The following COPE variants were observed in gnomAD, a reference collection of about 807,000 sequenced individuals.
COPE encodes the protein coatomer subunit epsilon.
Under a neutral mutation model 42.1 loss-of-function variants are expected in COPE, and 19 were observed. The observed-to-expected ratio is 0.45, with a 90% CI of 0.31 to 0.66. The LOEUF (loss-of-function observed/expected upper bound fraction) is 0.66, where lower values mean the gene tolerates loss of function less well. Among genes scored for constraint, COPE ranks in the 30% least tolerant of loss-of-function variants. COPE has a pLI of 0.05. For missense variants in COPE, 402 were observed against 416.1 expected (o/e 0.97, Z 0.30); for synonymous variants, 195 against 181.3 (o/e 1.08, Z -0.60).
chr19:18,915,755 G>A (rs1015344320), intron 1 of COPE, among the ~76,000 whole-genome samples: 2 of 152,234 alleles, frequency 1.3e-5, no homozygotes, highest in African/African-American at 4.8e-5. Flanking sequence ...CCTCCCTTCT[G>A]TCCCTGTAGC....
rs748323022 is a variant in COPE, at chr19:18,912,977, C to A, written c.189+7G>T. ...CACTCTTGCCCCCGGCCAAGGCCCG[C>A]ACTCACCTGCGCCAGGTACGCTCTA... On this transcript the variant is annotated splice_region_variant and intron_variant, in intron 2 of 9. Coordinates refer to ENST00000262812, the MANE Select transcript of COPE (RefSeq NM_007263.4). 4 of 1,611,540 alleles carry A rather than the reference C, an allele frequency of 2.5e-6. No individual in the cohort carries two copies. The African/African-American group carries it at 5.3e-5, about 22-fold the overall frequency.
chr19:18,902,914 A>G (rs1050242707), intron 7 of COPE, among the ~76,000 whole-genome samples: 10 of 151,614 alleles, frequency 6.6e-5, no homozygotes, highest in African/African-American at 2.4e-4. Context: ...TGTCCACAGC[A>G]CACTCTCCCC....
chr19:18,913,169 T>G (rs1601232239), intron 1 of COPE, 123 bp from the exon 2 acceptor site: 1 of 828,074 alleles, frequency 1.2e-6, no homozygotes, highest in Non-Finnish European at 2.0e-6. Context: ...GGGTTGGAGG[T>G]CTGAGTCCCA....
intron 3 of COPE, among the ~76,000 whole-genome samples, chr19:18,910,124 CCCTCACTCCGA>C (rs1306340898): frequency 6.6e-6 from 1 of 152,184 alleles, no homozygotes; most frequent in Non-Finnish European, 1.5e-5. Flanking sequence ...CCATGCCAGA[CCCTCACTCCGA>C]CCCCACAGCA....
intron 7 of COPE, among the ~76,000 whole-genome samples, chr19:18,902,968 CA>C (rs1325503508): frequency 4.6e-5 from 7 of 151,672 alleles, no homozygotes; most frequent in African/African-American, 1.5e-4. Context: ...AGTATGTACT[CA>C]GGTGAGGGGT....
intron 6 of COPE, among the ~76,000 whole-genome samples, chr19:18,903,648 C>T (rs556473351): frequency 3.9e-5 from 6 of 152,356 alleles, no homozygotes; most frequent in Non-Finnish European, 8.8e-5. Context: ...ACCCAGCTCC[C>T]GGAGTGCTGA....
At chr19:18,912,834 G>T in intron 2 of COPE, 150 bp downstream of exon 2, 1 of 679,000 alleles carries the variant, frequency 1.5e-6, no homozygotes, top group Non-Finnish European at 2.5e-6. Context: ...CATGCTGGCT[G>T]CGCTGGCTGT....
chr19:18,909,500 A>G (rs560349272), intron 3 of COPE, among the ~76,000 whole-genome samples: 1 of 148,432 alleles, frequency 6.7e-6, no homozygotes, highest in African/African-American at 2.5e-5. Flanking sequence ...ACATGGGCTT[A>G]ACTCTGTGGG....
chr19:18,916,230 G>A (rs1229143705), intron 1 of COPE, among the ~76,000 whole-genome samples: 2 of 148,928 alleles, frequency 1.3e-5, no homozygotes, highest in African/African-American at 4.9e-5. Context: ...GCAGGCACCT[G>A]TAATCCCAGC....
chr19:18,919,095 T>G, intron 1 of COPE, 128 bp downstream of exon 1: 1 of 901,056 alleles, frequency 1.1e-6, no homozygotes, highest in Non-Finnish European at 1.7e-6. Context: ...CACTGAACTG[T>G]GGAAGAGGTG....
rs1275099046 is a variant in COPE, at chr19:18,904,678, G to GT, written c.579+92dup. On this transcript the variant is annotated intron_variant, in intron 6 of 9. Transcript: ENST00000262812. ...GGCCTGATCCTGGAGCCCCACTGGA[G>GT]TGGCCAGCAGCCTACGCACAGGTGG... 3.3e-5 allele frequency: 37 copies of GT among 1,109,228 alleles called. No homozygotes were observed. In the East Asian group the frequency reaches 7.2e-4, roughly 22 times the overall value. The allele number at this position is 1,109,228 out of a possible 1,614,324, so 68.7% of individuals were successfully genotyped here. A position where few individuals can be genotyped will look rare whatever the true frequency, so the allele number is the denominator to read the frequency against.
intron 3 of COPE, among the ~76,000 whole-genome samples, chr19:18,909,540 A>G (rs1403228464): frequency 7.1e-6 from 1 of 140,274 alleles, no homozygotes; most frequent in African/African-American, 2.7e-5. Context: ...TTTTTTTTTA[A>G]GACAGTCTCC....
chr19:18,904,534 G>A (rs908906142), intron 6 of COPE, among the ~76,000 whole-genome samples: 46 of 152,258 alleles, frequency 3.0e-4, no homozygotes, highest in Non-Finnish European at 4.0e-4. Flanking sequence ...CTGTGCCTCA[G>A]GCTCAGGAAC....
intron 4 of COPE, 87 bp from the exon 5 acceptor site, chr19:18,905,716 T>C: frequency 7.2e-7 from 1 of 1,388,746 alleles, no homozygotes; most frequent in Non-Finnish European, 9.9e-7. Flanking sequence ...TGTGTGTGTC[T>C]GGGATGTTCC....
At chr19:18,915,311 C>T (rs901869361) in intron 1 of COPE, among the ~76,000 whole-genome samples, 1 of 152,188 alleles carries the variant, frequency 6.6e-6, no homozygotes, top group Non-Finnish European at 1.5e-5. Flanking sequence ...CTCAGCCGCC[C>T]CTGTGTGAAA....
intron 2 of COPE, chr19:18,911,300 T>G: frequency 1.8e-6 from 1 of 555,536 alleles, no homozygotes; most frequent in Non-Finnish European, 3.3e-6. Context: ...TGCCTTGAGC[T>G]AGGGACCCTG....
Position 18,903,338 on chromosome 19 carries a change from T to A in COPE, c.665A>T (p.Gln222Leu). 3.1e-6 allele frequency: 5 copies of A among 1,612,750 alleles called. No homozygotes were observed. Among genetic ancestry groups the A allele is most frequent in the Non-Finnish European group, 4.2e-6 (5 of 1,179,606 alleles). ...CSPTLLLLNG[Q>L]AACHMAQGRW... ...GCCCTGGGCCATGTGGCAGGCCGCC[T>A]GCCCATTGAGCAGCAGCAGGGTGGG... The change falls in exon 7 of 10, where the codon CAG becomes CTG. Residue 222 changes from glutamine to leucine, a missense_variant. Coordinates refer to ENST00000262812, the MANE Select transcript of COPE (RefSeq NM_007263.4).
intron 3 of COPE, chr19:18,910,724 T>C (rs571662655): frequency 5.3e-6 from 3 of 562,840 alleles, no homozygotes; most frequent in African/African-American, 1.9e-5. Context: ...TTGTGGTCCA[T>C]GAGGGCGTGT....
intron 6 of COPE, among the ~76,000 whole-genome samples, chr19:18,904,384 T>C (rs1207211452): frequency 6.6e-6 from 1 of 152,164 alleles, no homozygotes; most frequent in East Asian, 1.9e-4. Flanking sequence ...TGAGGACATC[T>C]CCACCGCTGC....
Sources: gnomAD v4.1 joint callset for allele counts (sites outside exome capture counted in the v4.1 genomes callset) on GRCh38, gnomAD v4.1.1 for gene constraint, MANE v1.5 for transcripts, NCBI Gene and HGNC (gene_info 2026-07-23, HGNC 2026-07-21) for gene names.